IL1RAPL1: variants seen among roughly 807,000 people sequenced by gnomAD.
IL1RAPL1 encodes interleukin 1 receptor accessory protein like 1, also known as interleukin-1 receptor accessory protein-like 1.
Under a neutral mutation model 48.4 loss-of-function variants are expected in IL1RAPL1, and 3 were observed. That is an observed-to-expected ratio of 0.06 (90% CI 0.03 to 0.16). The LOEUF is 0.16. Ranked by LOEUF, IL1RAPL1 falls within the 10% of genes least tolerant of loss-of-function variation. The probability of loss-of-function intolerance (pLI) is 1.00; values close to 1 mark genes in which losing one functional copy is unlikely to be tolerated. For missense variants in IL1RAPL1, 349 were observed against 530.6 expected, an observed-to-expected ratio of 0.66 and a Z score of 3.36; for synonymous variants, 185 against 187.7, an observed-to-expected ratio of 0.99 and a Z score of 0.12.
intron 6 of IL1RAPL1, among the ~76,000 whole-genome samples, chrX:29,865,236 C>T (rs1931665769): frequency 8.9e-6 from 1 of 111,843 alleles, no homozygotes; most frequent in Non-Finnish European, 1.9e-5. Flanking sequence ...ACAAGAATCA[C>T]AGAGAAACAA....
chrX:29,769,141 C>G (rs1389168919), intron 6 of IL1RAPL1, among the ~76,000 whole-genome samples: 1 of 111,464 alleles, frequency 9.0e-6, no homozygotes, highest in Non-Finnish European at 1.9e-5. Flanking sequence ...CATATGTGAC[C>G]TTTTGTGCCT....
intron 9 of IL1RAPL1, among the ~76,000 whole-genome samples, chrX:29,950,843 A>C (rs1202390428): frequency 9.1e-6 from 1 of 109,442 alleles, no homozygotes; most frequent in African/African-American, 3.3e-5. Flanking sequence ...CGCCTGGCTA[A>C]ATTTTTTTGT....
chrX:29,807,865 TAAG>T (rs1474282560), intron 6 of IL1RAPL1, among the ~76,000 whole-genome samples: 4 of 110,845 alleles, frequency 3.6e-5, no homozygotes, highest in Non-Finnish European at 5.7e-5. Context: ...AAATAAATAA[TAAG>T]AACACATAAA....
At chrX:29,320,829 T>A (rs1041343178) in intron 3 of IL1RAPL1, among the ~76,000 whole-genome samples, 4 of 110,825 alleles carry the variant, frequency 3.6e-5, no homozygotes, top group East Asian at 5.6e-4. Flanking sequence ...ATTAAAAATA[T>A]ATTTGAGCAT....
intron 6 of IL1RAPL1, among the ~76,000 whole-genome samples, chrX:29,751,956 C>T (rs1470876893): frequency 9.6e-5 from 10 of 103,942 alleles, no homozygotes; most frequent in African/African-American, 3.5e-4. Context: ...AAAAATGTAA[C>T]TACCTATATC....
intron 6 of IL1RAPL1, among the ~76,000 whole-genome samples, chrX:29,841,637 A>G (rs954243558): frequency 1.5e-4 from 17 of 111,668 alleles, no homozygotes; most frequent in Non-Finnish European, 3.0e-4. Flanking sequence ...TCCTCAGAAA[A>G]GATGGACGTA....
At chrX:29,372,338 T>G (rs1281675413) in intron 3 of IL1RAPL1, among the ~76,000 whole-genome samples, 1 of 112,156 alleles carries the variant, frequency 8.9e-6, no homozygotes, top group Non-Finnish European at 1.9e-5. Flanking sequence ...GCCAAATGCA[T>G]AGTTGTGAAT....
chrX:28,948,957 T>C (rs1274927234), intron 2 of IL1RAPL1, among the ~76,000 whole-genome samples: 1 of 111,594 alleles, frequency 9.0e-6, no homozygotes, highest in African/African-American at 3.2e-5. Flanking sequence ...AAATATCTTG[T>C]TGTACATTCC....
At chrX:29,873,203 T>C (rs1215631233) in intron 6 of IL1RAPL1, among the ~76,000 whole-genome samples, 2 of 110,074 alleles carry the variant, frequency 1.8e-5, no homozygotes, top group Admixed American at 9.6e-5. Context: ...GTCTCTCTTT[T>C]ATGTAGCAAA....
At position 29,335,035 on chromosome X, in the gene IL1RAPL1, A is replaced by C. The variant is rs1277444598; in HGVS notation, c.362+51818A>C. 1.7e-3 allele frequency among the ~76,000 whole-genome samples: 189 copies of C among 111,935 alleles called. 1 individual carries two copies. Among genetic ancestry groups the C allele is most frequent in the African/African-American group, 5.6e-3 (174 of 30,948 alleles). ...CCGTCTGCAATCCCGGCACCTCGGG[A>C]GGCCGAGGCTGGCGGATCACTCGCG... On this transcript the variant is annotated intron_variant, in intron 3 of 10. Coordinates refer to ENST00000378993, the MANE Select transcript of IL1RAPL1 (RefSeq NM_014271.4).
At chrX:28,698,219 T>C (rs868728923) in intron 1 of IL1RAPL1, among the ~76,000 whole-genome samples, 2 of 111,326 alleles carry the variant, frequency 1.8e-5, no homozygotes, top group South Asian at 7.5e-4. Flanking sequence ...ATTATGGTGA[T>C]GGGACAGGGG....
chrX:29,061,337 G>C (rs1246589663), intron 2 of IL1RAPL1, among the ~76,000 whole-genome samples: 1 of 111,914 alleles, frequency 8.9e-6, no homozygotes, highest in African/African-American at 3.2e-5. Flanking sequence ...TGCAGGGTGT[G>C]ATAATATACC....
intron 5 of IL1RAPL1, among the ~76,000 whole-genome samples, chrX:29,481,652 C>T (rs1231016196): frequency 9.0e-6 from 1 of 111,665 alleles, no homozygotes; most frequent in Non-Finnish European, 1.9e-5. Context: ...TGCCTCACCC[C>T]TTTGTGGGCA....
intron 5 of IL1RAPL1, among the ~76,000 whole-genome samples, chrX:29,524,179 CTTTT>C (rs5901924): frequency 1.3e-5 from 1 of 77,589 alleles, no homozygotes; most frequent in Non-Finnish European, 2.5e-5. Context: ...TTTCACTTGG[CTTTT>C]TTTTTTTTTT....
At chrX:29,664,581 G>A (rs768383018) in intron 5 of IL1RAPL1, among the ~76,000 whole-genome samples, 2 of 111,640 alleles carry the variant, frequency 1.8e-5, no homozygotes, top group South Asian at 3.8e-4. Context: ...TTTTAAAGGC[G>A]TGATTGTTCA....
At chrX:29,853,421 G>A (rs1218173574) in intron 6 of IL1RAPL1, among the ~76,000 whole-genome samples, 8 of 110,345 alleles carry the variant, frequency 7.2e-5, no homozygotes, top group Non-Finnish European at 1.3e-4. Flanking sequence ...TTGCACAAAC[G>A]CACTCCAGCC....
intron 1 of IL1RAPL1, among the ~76,000 whole-genome samples, chrX:28,672,634 C>T (rs1934959109): frequency 9.0e-6 from 1 of 111,196 alleles, no homozygotes; most frequent in African/African-American, 3.3e-5. Flanking sequence ...CTCATATCTA[C>T]CACCTGCTTT....
At chrX:29,609,910 C>T (rs922633179) in intron 5 of IL1RAPL1, among the ~76,000 whole-genome samples, 7 of 111,061 alleles carry the variant, frequency 6.3e-5, no homozygotes, top group Admixed American at 4.8e-4. Flanking sequence ...CAGGTATTGA[C>T]CATCAGGATG....
At chrX:28,965,498 A>G (rs1415224676) in intron 2 of IL1RAPL1, among the ~76,000 whole-genome samples, 1 of 111,953 alleles carries the variant, frequency 8.9e-6, no homozygotes, top group Non-Finnish European at 1.9e-5. Context: ...TTTACCTAGT[A>G]GAGAAAATAA....
Sources: allele counts gnomAD v4.1 joint callset (sites outside exome capture counted in the v4.1 genomes callset), GRCh38; gene constraint gnomAD v4.1.1; transcripts MANE v1.5; gene names NCBI Gene and HGNC (gene_info 2026-07-23, HGNC 2026-07-21).